PRR4: variants seen among roughly 807,000 people sequenced by gnomAD.
The protein encoded by PRR4 is proline-rich protein 4.
PRR4 carries 7 observed loss-of-function variants against 7.6 expected under a neutral mutation model. The ratio of observed to expected loss-of-function variants is 0.92; its 90% CI spans 0.52 to 1.73. The LOEUF (loss-of-function observed/expected upper bound fraction) is 1.73, where lower values mean the gene tolerates loss of function less well. PRR4 is among the 40% of genes most tolerant of loss of function. PRR4 has a pLI of 0.00. For missense variants in PRR4, 187 were observed against 161.0 expected (o/e 1.16, Z -0.87); for synonymous variants, 64 against 58.5 (o/e 1.09, Z -0.43).
Position 10,845,997 on chromosome 12 carries a change from A to G in PRR4, c.*19-47T>C, listed in dbSNP as rs1025059010. ...AGGAAATTTATACACAACATACAAC[A>G]TGGCAAAACTTATCTAATTCCTTGA... On this transcript the variant is annotated intron_variant, in intron 3 of 3. Transcript: ENST00000228811. 1.2e-5 allele frequency: 15 copies of G among 1,206,450 alleles called. No individual in the cohort carries two copies. In the African/African-American group the frequency reaches 2.3e-4, roughly 19 times the overall value. The allele number at this position is 1,206,450 out of a possible 1,614,324, so 74.7% of individuals were successfully genotyped here. A position where few individuals can be genotyped will look rare whatever the true frequency, so the allele number is the denominator to read the frequency against.
At chr12:10,846,728 G>A (rs1949022599) in intron 3 of PRR4, among the ~76,000 whole-genome samples, 1 of 152,186 alleles carries the variant, frequency 6.6e-6, no homozygotes, top group East Asian at 1.9e-4. Context: ...GTTTGAGAAG[G>A]CAGACTCAAA....
At chr12:10,849,148 T>C (rs1591627628) in intron 1 of PRR4, 2 of 224,134 alleles carry the variant, frequency 8.9e-6, no homozygotes, top group East Asian at 1.7e-4. Context: ...CTCTATTGGG[T>C]TCCAAGTGTA....
chr12:10,848,409 T>C lies in PRR4; in HGVS notation c.65-2A>G. 6.2e-7 allele frequency: 1 copy of C among 1,611,128 alleles called. No individual in the cohort carries two copies. The highest frequency in any genetic ancestry group is 1.1e-5 in the South Asian group (1 of 90,894). ...AAGTAAAGTCTTCATAGTTCACATC[T>C]AGGAAAAGAAGCACAGGATGAAGTG... On this transcript the variant is annotated splice_acceptor_variant, in intron 1 of 3. Transcript: ENST00000228811. LOFTEE classifies it high-confidence loss of function.
At position 10,845,889 on chromosome 12, in the gene PRR4, GTT is replaced by G. The variant is rs1949010010; in HGVS notation, c.*78_*79del. On this transcript the variant is annotated 3_prime_UTR_variant, in exon 4 of 4. Transcript: ENST00000228811. Reference sequence around the variant, plus strand: ...ATTTTATTGGTATACTGAAGAAAGAGTTATGACCACATTATTTCAATGTCATG... The same window carrying G: ...ATTTTATTGGTATACTGAAGAAAGAGATGACCACATTATTTCAATGTCATG... 2 of 1,250,110 alleles carry G rather than the reference GTT, an allele frequency of 1.6e-6. No individual in the cohort carries two copies. The highest frequency in any genetic ancestry group is 2.1e-6 in the Non-Finnish European group (2 of 953,996). 77.4% of individuals were successfully genotyped at this position (1,250,110 alleles called of 1,614,324 possible).
At chr12:10,846,882 A>G in intron 3 of PRR4, 163 bp downstream of exon 3, 4 of 627,412 alleles carry the variant, frequency 6.4e-6, no homozygotes, top group Non-Finnish European at 9.6e-6. Flanking sequence ...TGTTAAAAAT[A>G]CAAGGACTTG....
Position 10,847,337 on chromosome 12 carries a change from T to G in PRR4, c.131A>C (p.Gln44Pro). 6.4e-7 allele frequency: 1 copy of G among 1,556,256 alleles called. No homozygotes were observed. The highest frequency in any genetic ancestry group is 8.7e-7 in the Non-Finnish European group (1 of 1,149,876). Residue 44 changes from glutamine to proline, a missense_variant, in exon 3 of 4, where the codon CAG becomes CCG. Gln to Pro is a moderately conservative substitution (Grantham distance 76). Coordinates refer to ENST00000228811, the MANE Select transcript of PRR4 (RefSeq NM_007244.3). ...TTCAGGAGGAGGTCTCTGGGGTCCC[T>G]GATCTGGTCTCTGACTTGAGTCCTC... is the stretch of plus-strand genomic sequence containing the variant. ...DVEDSSQRPD[Q>P]GPQRPPPEGL...
At chr12:10,846,435 CA>C (rs1324267237) in intron 3 of PRR4, among the ~76,000 whole-genome samples, 20 of 151,866 alleles carry the variant, frequency 1.3e-4, no homozygotes, top group South Asian at 2.1e-4. Flanking sequence ...GGAGGATGTT[CA>C]AAAAATTAAG....
chr12:10,847,462 C>CCTG, intron 2 of PRR4, 95 bp from the exon 3 acceptor site: 1 of 909,564 alleles, frequency 1.1e-6, no homozygotes, highest in Non-Finnish European at 1.5e-6. Context: ...CAGCCCTGTT[C>CCTG]TCCCCAAACC....
rs766526937 is a variant in PRR4 at position 10,849,391 on chromosome 12, G to GCC, written c.46_47insGG (p.Ala16GlyfsTer9). On this transcript the variant is annotated frameshift_variant, in exon 1 of 4. Transcript: ENST00000228811. LOFTEE classifies it high-confidence loss of function. ...TTTTTTACCATTATCTGTGCTCTGA[G>GCC]CTGAGCTCAGAGCCAGAAGGACCAC... 1.9e-6 allele frequency: 3 copies of GCC among 1,604,468 alleles called. No individual in the cohort carries two copies. The South Asian group carries it at 3.3e-5, about 18-fold the overall frequency.
At position 10,848,423 on chromosome 12, in the gene PRR4, C is replaced by T; in HGVS notation, c.65-16G>A. 1 of 1,610,804 alleles carries T rather than the reference C, an allele frequency of 6.2e-7. No homozygotes were observed. Among genetic ancestry groups the T allele is most frequent in the Non-Finnish European group, 8.5e-7 (1 of 1,177,394 alleles). On this transcript the variant is annotated splice_polypyrimidine_tract_variant and intron_variant, in intron 1 of 3. Coordinates refer to ENST00000228811, the MANE Select transcript of PRR4 (RefSeq NM_007244.3). ...TAGTTCACATCTAGGAAAAGAAGCA[C>T]AGGATGAAGTGAACATTACCTCATA...
At position 10,849,357 on chromosome 12, in the gene PRR4, A is replaced by G; in HGVS notation, c.64+17T>C. On this transcript the variant is annotated intron_variant, in intron 1 of 3. Transcript: ENST00000228811. The stretch of plus-strand genomic sequence containing the variant: ...TCCCACTCCCCATCTCCTTTTTTAA[A>G]AAAATAATTTTTTTACCATTATCTG... The G allele has an allele frequency of 6.4e-7, 1 of 1,568,280 alleles. No individual in the cohort carries two copies. The highest frequency in any genetic ancestry group is 8.6e-7 in the Non-Finnish European group (1 of 1,158,292).
Position 10,847,137 on chromosome 12 carries a change from T to G in PRR4, c.331A>C (p.Ser111Arg), listed in dbSNP as rs1324049089. The change falls in exon 3 of 4, where the codon AGC becomes CGC. Residue 111 changes from serine (S) to arginine (R), a missense_variant. Coordinates refer to ENST00000228811, the MANE Select transcript of PRR4 (RefSeq NM_007244.3). ...QLSLPRFPSV[S>R]LQEASSFFQR... ...AAGAATGATGATGCTTCCTGCAGGC[T>G]GACAGAAGGAAATCGGGGTAGAGAG... 6.2e-7 allele frequency: 1 copy of G among 1,613,346 alleles called. No homozygotes were observed. The highest frequency in any genetic ancestry group is 8.5e-7 in the Non-Finnish European group (1 of 1,179,556).
chr12:10,846,471 T>C (rs1359178079), intron 3 of PRR4, among the ~76,000 whole-genome samples: 5 of 152,158 alleles, frequency 3.3e-5, no homozygotes, highest in Non-Finnish European at 7.3e-5. Context: ...GTGAAGGGTG[T>C]GGGTAAGTAG....
chr12:10,847,185 G>T lies in PRR4; in HGVS notation c.283C>A (p.Pro95Thr), dbSNP rs755791600. 1 of 1,613,754 alleles carries T rather than the reference G, an allele frequency of 6.2e-7. No homozygotes were observed. The highest frequency in any genetic ancestry group is 1.3e-5 in the African/African-American group (1 of 74,900). ...GAGAGTTGACGGTGTCCTCGTCGGG[G>T]TGGTCGTTGCTGATTTTGAAAAGGA... ...PPPFQNQQRP[P>T]RRGHRQLSLP... is the part of the protein sequence containing the mutation. Residue 95 changes from proline (P) to threonine (T), a missense_variant, in exon 3 of 4, where the codon CCC becomes ACC. Pro to Thr is a conservative substitution (Grantham distance 38). Transcript: ENST00000228811.
At position 10,847,045 on chromosome 12, in the gene PRR4, CT is replaced by C. The variant is rs1419391527; in HGVS notation, c.*17del. The C allele has an allele frequency of 5.2e-6, 8 of 1,543,722 alleles. No individual in the cohort carries two copies. In the East Asian group the frequency reaches 1.6e-4, roughly 31 times the overall value. ...AATGGAGAATGAACTGGAATCATAC[CT>C]GCCACTGAATTCTAGATTACCAGAG... is the stretch of plus-strand genomic sequence containing the variant. On this transcript the variant is annotated splice_region_variant and 3_prime_UTR_variant, in exon 3 of 4. Transcript: ENST00000228811.
At position 10,847,149 on chromosome 12, in the gene PRR4, A is replaced by G; in HGVS notation, c.319T>C (p.Phe107Leu). 6.2e-7 allele frequency: 1 copy of G among 1,613,520 alleles called. No homozygotes were observed. The highest frequency in any genetic ancestry group is 2.2e-5 in the East Asian group (1 of 44,858). ...GCTTCCTGCAGGCTGACAGAAGGAAATCGGGGTAGAGAGAGTTGACGGTGT... is the reference window on the plus strand; with the variant it reads ...GCTTCCTGCAGGCTGACAGAAGGAAGTCGGGGTAGAGAGAGTTGACGGTGT... ...RGHRQLSLPR[F>L]PSVSLQEASS... Residue 107 changes from phenylalanine to leucine, a missense_variant, in exon 3 of 4, where the codon TTT becomes CTT. Physicochemically the swap from Phe to Leu is conservative, Grantham distance 22. Coordinates refer to ENST00000228811, the MANE Select transcript of PRR4 (RefSeq NM_007244.3).
At chr12:10,848,345 A>G in intron 2 of PRR4, 27 bp downstream of exon 2, 2 of 1,587,586 alleles carry the variant, frequency 1.3e-6, no homozygotes, top group Non-Finnish European at 1.7e-6. Flanking sequence ...AAAGAAAAGA[A>G]TTGGATTGAG....
Position 10,849,358 on chromosome 12 carries a change from A to G in PRR4, c.64+16T>C. ...CCCACTCCCCATCTCCTTTTTTAAA[A>G]AAATAATTTTTTTACCATTATCTGT... is the stretch of plus-strand genomic sequence containing the variant. On this transcript the variant is annotated intron_variant, in intron 1 of 3. Coordinates refer to ENST00000228811, the MANE Select transcript of PRR4 (RefSeq NM_007244.3). The G allele has an allele frequency of 6.4e-7, 1 of 1,570,618 alleles. No homozygotes were observed.
At chr12:10,848,543 A>C in intron 1 of PRR4, 136 bp from the exon 2 acceptor site, 2 of 699,758 alleles carry the variant, frequency 2.9e-6, no homozygotes, top group Non-Finnish European at 4.6e-6. Flanking sequence ...TGTTCTGTGA[A>C]GCTGCTGGAA....
Sources: gnomAD v4.1 joint callset for allele counts (sites outside exome capture counted in the v4.1 genomes callset) on GRCh38, gnomAD v4.1.1 for gene constraint, MANE v1.5 for transcripts, NCBI Gene and HGNC (gene_info 2026-07-23, HGNC 2026-07-21) for gene names.